MGAT4C: variants seen among roughly 807,000 people sequenced by gnomAD.
The protein encoded by MGAT4C is MGAT4 family member C, also known as alpha-1,3-mannosyl-glycoprotein 4-beta-N-acetylglucosaminyltransferase C.
Under a neutral mutation model 40.1 loss-of-function variants are expected in MGAT4C, and 19 were observed. That is an observed-to-expected ratio of 0.47 (90% CI 0.33 to 0.70). MGAT4C has a LOEUF of 0.70. MGAT4C is among the 30% of genes least tolerant of loss of function. The pLI is 0.02. For synonymous variants in MGAT4C, 181 were observed against 187.1 expected, an observed-to-expected ratio of 0.97 and a Z score of 0.27; for missense variants, 491 against 563.2, an observed-to-expected ratio of 0.87 and a Z score of 1.30.
intron 1 of MGAT4C, among the ~76,000 whole-genome samples, chr12:86,213,646 T>C (rs1256963275): frequency 6.6e-6 from 1 of 152,174 alleles, no homozygotes; most frequent in African/African-American, 2.4e-5. Flanking sequence ...AATCTGAAAA[T>C]GCATCAGCAT....
intron 4 of MGAT4C, among the ~76,000 whole-genome samples, chr12:86,293,733 G>T (rs1289113483): frequency 2.0e-5 from 3 of 152,150 alleles, no homozygotes. Flanking sequence ...CCAGGTGGAG[G>T]TAATTAGATC....
At chr12:86,044,422 G>T (rs1418064375) in intron 2 of MGAT4C, among the ~76,000 whole-genome samples, 1 of 152,290 alleles carries the variant, frequency 6.6e-6, no homozygotes, top group African/African-American at 2.4e-5. Context: ...TGGTGGGTTT[G>T]CGGCTGCCAG....
chr12:86,191,083 GCACACA>G (rs56357601), intron 1 of MGAT4C, among the ~76,000 whole-genome samples: 33,453 of 138,172 alleles, frequency 0.24, 4,207 homozygotes, highest in South Asian at 0.33. Context: ...CTCTCTCTCT[GCACACA>G]CACACACACA....
chr12:85,989,335 G>T (rs1385529152), intron 3 of MGAT4C, 65 bp downstream of exon 3: 1 of 1,405,378 alleles, frequency 7.1e-7, no homozygotes, highest in Non-Finnish European at 9.5e-7. Context: ...AGGCTACAAT[G>T]GGACTAATTC....
intron 1 of MGAT4C, among the ~76,000 whole-genome samples, chr12:86,744,443 A>G (rs1951120379): frequency 6.6e-6 from 1 of 151,558 alleles, no homozygotes; most frequent in African/African-American, 2.4e-5. Context: ...AGAAAGAAAC[A>G]GAAGAATCTT....
intron 2 of MGAT4C, among the ~76,000 whole-genome samples, chr12:86,458,833 A>G (rs1797929413): frequency 6.6e-6 from 1 of 152,210 alleles, no homozygotes; most frequent in African/African-American, 2.4e-5. Flanking sequence ...TTTTAGGATT[A>G]TGAACACCAA....
intron 2 of MGAT4C, among the ~76,000 whole-genome samples, chr12:86,548,630 A>AAGAGCAC (rs531792915): frequency 2.4e-3 from 370 of 152,294 alleles, no homozygotes; most frequent in African/African-American, 8.6e-3. Flanking sequence ...AGTAGTGATT[A>AAGAGCAC]AGAGCACAGA....
chr12:86,504,663 G>A (rs1958437612), intron 2 of MGAT4C, among the ~76,000 whole-genome samples: 1 of 152,054 alleles, frequency 6.6e-6, no homozygotes, highest in African/African-American at 2.4e-5. Context: ...GTTAATAGGA[G>A]GACAACATAT....
At chr12:86,325,387 AAAAC>A (rs144842444) in intron 4 of MGAT4C, among the ~76,000 whole-genome samples, 2,846 of 152,300 alleles carry the variant, frequency 0.019, 36 homozygotes, top group Non-Finnish European at 0.029. Flanking sequence ...TGTAGAGTGA[AAAAC>A]AAAACAAAAC....
chr12:86,414,878 T>G (rs1956676892), intron 3 of MGAT4C, among the ~76,000 whole-genome samples: 2 of 152,100 alleles, frequency 1.3e-5, no homozygotes, highest in African/African-American at 4.8e-5. Context: ...TTATTAATGA[T>G]AGTTCATTTT....
intron 1 of MGAT4C, among the ~76,000 whole-genome samples, chr12:86,752,925 T>A (rs1951247490): frequency 6.6e-6 from 1 of 152,140 alleles, no homozygotes; most frequent in Admixed American, 6.6e-5. Context: ...TAGACCTAAA[T>A]GTCAAACCTG....
At chr12:86,831,049 T>C (rs1419692450) in intron 1 of MGAT4C, among the ~76,000 whole-genome samples, 1 of 151,766 alleles carries the variant, frequency 6.6e-6, no homozygotes, top group East Asian at 1.9e-4. Flanking sequence ...GCATTTCTCC[T>C]TTTCCAACTT....
intron 1 of MGAT4C, among the ~76,000 whole-genome samples, chr12:86,209,701 T>C (rs1950385650): frequency 6.6e-6 from 1 of 152,148 alleles, no homozygotes. Flanking sequence ...GCAGGCCTAG[T>C]CATTAAAGAG....
intron 1 of MGAT4C, among the ~76,000 whole-genome samples, chr12:86,774,319 C>CTTTCTTTCTTTCTTTCTTTCTTTCTTTCT (rs1555227779): frequency 0.037 from 3,487 of 93,664 alleles, 294 homozygotes; most frequent in Non-Finnish European, 0.05. Context: ...TTCTTTCTTT[C>CTTTCTTTCTTTCTTTCTTTCTTTCTTTCT]TTTCTTTCTT....
intron 2 of MGAT4C, among the ~76,000 whole-genome samples, chr12:86,636,480 G>A (rs1168259099): frequency 6.6e-6 from 1 of 151,914 alleles, no homozygotes; most frequent in Non-Finnish European, 1.5e-5. Flanking sequence ...GATGTAGTTA[G>A]GATAAGATGA....
Position 85,983,638 on chromosome 12 carries a change from G to T in MGAT4C, c.180C>A (p.Ser60=). Residue 60 remains serine, a synonymous_variant, in exon 4 of 5, where the codon TCC becomes TCA. Transcript: ENST00000611864. ...EGDKQLIRET[S]THQLNSERYV... ...AGCGTTCTGAATTCAGTTGATGTGTGGATGTTTCCCTTATAAGTTGTTTGT... is the reference window on the plus strand; with the variant it reads ...AGCGTTCTGAATTCAGTTGATGTGTTGATGTTTCCCTTATAAGTTGTTTGT... 6.3e-7 allele frequency: 1 copy of T among 1,592,828 alleles called. No homozygotes were observed. The highest frequency in any genetic ancestry group is 2.3e-5 in the East Asian group (1 of 43,754).
At chr12:86,612,620 A>T (rs957451694) in intron 2 of MGAT4C, among the ~76,000 whole-genome samples, 1 of 151,596 alleles carries the variant, frequency 6.6e-6, no homozygotes, top group Non-Finnish European at 1.5e-5. Flanking sequence ...GGGCATCTGT[A>T]GTACCAGCTC....
intron 4 of MGAT4C, among the ~76,000 whole-genome samples, chr12:86,267,235 T>C (rs1428553424): frequency 2.0e-5 from 3 of 152,178 alleles, no homozygotes; most frequent in Admixed American, 6.5e-5. Flanking sequence ...ATATTGAAGC[T>C]ATAAAGTTCT....
chr12:86,235,048 T>G (rs1951474983), intron 1 of MGAT4C, among the ~76,000 whole-genome samples: 1 of 152,112 alleles, frequency 6.6e-6, no homozygotes, highest in Non-Finnish European at 1.5e-5. Context: ...TATTTTTTTC[T>G]TTTACTTATA....
Sources: gnomAD v4.1 joint callset for allele counts (sites outside exome capture counted in the v4.1 genomes callset) on GRCh38, gnomAD v4.1.1 for gene constraint, MANE v1.5 for transcripts, NCBI Gene and HGNC (gene_info 2026-07-23, HGNC 2026-07-21) for gene names.